Variants in FAT1 observed in about 807,000 individuals in gnomAD.
FAT1 encodes the protein FAT atypical cadherin 1, also known as protocadherin Fat 1.
Under a neutral mutation model 329.8 loss-of-function variants are expected in FAT1, and 171 were observed. The observed-to-expected ratio is 0.52, with a 90% CI of 0.46 to 0.59. FAT1 has a LOEUF of 0.59. Ranked by LOEUF, FAT1 falls within the 20% of genes least tolerant of loss-of-function variation. FAT1 has a pLI of 0.00. For missense variants in FAT1, 5,672 were observed against 5,774.4 expected, an observed-to-expected ratio of 0.98 and a Z score of 0.57; for synonymous variants, 2,233 against 2,228.6, an observed-to-expected ratio of 1.00 and a Z score of -0.06.
intron 9 of FAT1, among the ~76,000 whole-genome samples, chr4:186,624,930 G>A (rs1740227261): frequency 6.6e-6 from 1 of 152,134 alleles, no homozygotes; most frequent in African/African-American, 2.4e-5. Flanking sequence ...AGTAACTGCT[G>A]AGCATAATTT....
intron 5 of FAT1, 32 bp downstream of exon 5, chr4:186,636,553 T>C: frequency 6.5e-7 from 1 of 1,540,146 alleles, no homozygotes. Flanking sequence ...TCACAACATA[T>C]GAAAAATTAC....
chr4:186,724,534 G>A (rs1200442838), upstream of FAT1, among the ~76,000 whole-genome samples: 2 of 152,322 alleles, frequency 1.3e-5, no homozygotes, highest in East Asian at 1.9e-4. The surrounding 1 kb of genome is among the most constrained non-coding windows in gnomAD (Gnocchi z 5.3). Flanking sequence ...CGTCCCGCGG[G>A]CTTCCTAGCC....
chr4:186,721,027 T>C (rs953892121), intron 1 of FAT1, among the ~76,000 whole-genome samples: 18 of 152,240 alleles, frequency 1.2e-4, no homozygotes, highest in Non-Finnish European at 1.3e-4. Flanking sequence ...AAATTGGCTA[T>C]AGATAATGCC....
At chr4:186,710,369 TG>T (rs923396029) in intron 1 of FAT1, among the ~76,000 whole-genome samples, 11 of 152,216 alleles carry the variant, frequency 7.2e-5, no homozygotes, top group African/African-American at 2.7e-4. Flanking sequence ...AAGAACAGCT[TG>T]TAATCTCATT....
intron 4 of FAT1, among the ~76,000 whole-genome samples, chr4:186,638,395 C>T (rs939477046): frequency 1.2e-4 from 19 of 152,210 alleles, no homozygotes; most frequent in Non-Finnish European, 2.9e-5. Context: ...ATCTTCCCAT[C>T]TGTTTATCTT....
intron 2 of FAT1, among the ~76,000 whole-genome samples, chr4:186,667,739 A>T (rs1742524978): frequency 6.6e-6 from 1 of 152,156 alleles, no homozygotes; most frequent in Non-Finnish European, 1.5e-5. Context: ...AAGTTGCATG[A>T]TTTTCATCCC....
At chr4:186,664,080 A>AC (rs1742316487) in intron 2 of FAT1, among the ~76,000 whole-genome samples, 1 of 151,970 alleles carries the variant, frequency 6.6e-6, no homozygotes, top group African/African-American at 2.4e-5. Flanking sequence ...CAGATCTGAG[A>AC]CCCCACAGTC....
chr4:186,712,910 G>A (rs1387286283), intron 1 of FAT1, among the ~76,000 whole-genome samples: 1 of 101,162 alleles, frequency 9.9e-6, no homozygotes, highest in Non-Finnish European at 2.0e-5. Flanking sequence ...GAGACCACGT[G>A]GCTGGAGCAC....
At chr4:186,682,301 T>G (rs965438945) in intron 2 of FAT1, among the ~76,000 whole-genome samples, 3 of 151,986 alleles carry the variant, frequency 2.0e-5, no homozygotes, top group Admixed American at 1.3e-4. Flanking sequence ...CTAAGGCGGG[T>G]GGATCACCTG....
intron 9 of FAT1, among the ~76,000 whole-genome samples, chr4:186,624,161 T>A (rs1397896405): frequency 7.6e-6 from 1 of 132,362 alleles, no homozygotes; most frequent in Non-Finnish European, 1.7e-5. Context: ...GCAGAAAAGG[T>A]CTGTACGAGG....
intron 1 of FAT1, among the ~76,000 whole-genome samples, chr4:186,713,658 A>G (rs1020276207): frequency 1.3e-5 from 2 of 151,908 alleles, no homozygotes; most frequent in Non-Finnish European, 2.9e-5. Context: ...TTATTTATTC[A>G]ATTTTTTTTC....
chr4:186,715,127 C>T (rs1309230332), intron 1 of FAT1, among the ~76,000 whole-genome samples: 1 of 147,584 alleles, frequency 6.8e-6, no homozygotes, highest in Non-Finnish European at 1.5e-5. Flanking sequence ...CTTCCCCCTC[C>T]ATCCCCCCAC....
At position 186,680,056 on chromosome 4, in the gene FAT1, T is replaced by C. The variant is rs1029023481; in HGVS notation, c.3266-16443A>G. Reference sequence around the variant, plus strand: ...GTCTTCCAATGCTTTCATTACCTAATTGGAACAGGGAAATATCCCAAATAT... The same window carrying C: ...GTCTTCCAATGCTTTCATTACCTAACTGGAACAGGGAAATATCCCAAATAT... On this transcript the variant is annotated intron_variant, in intron 2 of 26. Coordinates refer to ENST00000441802, the MANE Select transcript of FAT1 (RefSeq NM_005245.4). Among the ~76,000 whole-genome samples, 3 of 152,180 alleles carry C rather than the reference T, an allele frequency of 2.0e-5. No homozygotes were observed. The East Asian group carries it at 5.8e-4, about 29-fold the overall frequency.
intron 2 of FAT1, among the ~76,000 whole-genome samples, chr4:186,699,628 T>C (rs1744204322): frequency 6.6e-6 from 1 of 152,200 alleles, no homozygotes; most frequent in South Asian, 2.1e-4. Flanking sequence ...CAGAAAAGAT[T>C]GCGCTTTGTG....
intron 20 of FAT1, among the ~76,000 whole-genome samples, chr4:186,601,889 G>C (rs1484289187): frequency 1.1e-4 from 16 of 151,978 alleles, no homozygotes; most frequent in Non-Finnish European, 1.2e-4. Context: ...AATGACAAGA[G>C]GCATACTTAA....
At chr4:186,617,535 G>A (rs1739769818) in intron 10 of FAT1, among the ~76,000 whole-genome samples, 173 bp downstream of exon 10, 1 of 152,110 alleles carries the variant, frequency 6.6e-6, no homozygotes, top group South Asian at 2.1e-4. Context: ...GCTTTGCTCA[G>A]GTAACAAGCT....
At chr4:186,597,827 G>A (rs1357748731) in intron 23 of FAT1, 35 bp from the exon 24 acceptor site, 4 of 1,578,992 alleles carry the variant, frequency 2.5e-6, no homozygotes, top group East Asian at 4.5e-5. Context: ...TAAACCTCAT[G>A]ATCCTATTGC....
chr4:186,607,950 A>C (rs1302779552), intron 16 of FAT1, among the ~76,000 whole-genome samples: 2 of 152,196 alleles, frequency 1.3e-5, no homozygotes, highest in Non-Finnish European at 2.9e-5. Flanking sequence ...AATCTGACTA[A>C]AATCTCCAAA....
chr4:186,690,024 C>T (rs1431912240), intron 2 of FAT1, among the ~76,000 whole-genome samples: 1 of 152,170 alleles, frequency 6.6e-6, no homozygotes, highest in Admixed American at 6.5e-5. Flanking sequence ...TCCTCAGTTA[C>T]TATTCAATTA....
Sources: allele counts gnomAD v4.1 joint callset (sites outside exome capture counted in the v4.1 genomes callset), GRCh38; gene constraint gnomAD v4.1.1; non-coding constraint Gnocchi (gnomAD v3.1); transcripts MANE v1.5; gene names NCBI Gene and HGNC (gene_info 2026-07-23, HGNC 2026-07-21).